MVB12B: variants seen among roughly 807,000 people sequenced by gnomAD.
The protein encoded by MVB12B is multivesicular body subunit 12B.
MVB12B carries 16 observed loss-of-function variants against 41.6 expected under a neutral mutation model. The observed-to-expected ratio is 0.38, with a 90% confidence interval of 0.26 to 0.58. MVB12B has a LOEUF of 0.58. MVB12B is among the 20% of genes least tolerant of loss of function. MVB12B has a pLI of 0.62. For missense variants in MVB12B, 274 were observed against 380.2 expected (o/e 0.72, Z 2.32); for synonymous variants, 133 against 139.7 (o/e 0.95, Z 0.34).
intron 7 of MVB12B, among the ~76,000 whole-genome samples, chr9:126,440,080 G>A (rs867222981): frequency 2.6e-5 from 4 of 152,290 alleles, no homozygotes; most frequent in South Asian, 2.1e-4. Context: ...TGGAATTAAT[G>A]CCTGGTTTGG....
At chr9:126,420,561 C>G (rs1037952222) in intron 6 of MVB12B, among the ~76,000 whole-genome samples, 2 of 98,868 alleles carry the variant, frequency 2.0e-5, no homozygotes, top group Non-Finnish European at 3.8e-5. Flanking sequence ...TCCCAGGAGT[C>G]TTTTTTTTTT....
intron 2 of MVB12B, among the ~76,000 whole-genome samples, chr9:126,379,860 A>G (rs1830587141): frequency 6.6e-6 from 1 of 152,190 alleles, no homozygotes; most frequent in Admixed American, 6.5e-5. Flanking sequence ...GGGGCCTGCC[A>G]TGCTCTGTGC....
chr9:126,414,327 C>T (rs1831743920), intron 6 of MVB12B, among the ~76,000 whole-genome samples: 1 of 152,152 alleles, frequency 6.6e-6, no homozygotes, highest in Admixed American at 6.5e-5. Flanking sequence ...CTGTTTGTTA[C>T]AGAACAGCCA....
At position 126,380,380 on chromosome 9, in the gene MVB12B, C is replaced by T. The variant is rs1383815340; in HGVS notation, c.205-684C>T. On this transcript the variant is annotated intron_variant, in intron 2 of 9. Transcript: ENST00000361171. Reference sequence around the variant, plus strand: ...TGATACTCAGATCAAGGCTGGCTGGCGTCATTCTCAGACTCTTCCTAGTGA... The same window carrying T: ...TGATACTCAGATCAAGGCTGGCTGGTGTCATTCTCAGACTCTTCCTAGTGA... 3.3e-5 allele frequency among the ~76,000 whole-genome samples: 5 copies of T among 152,192 alleles called. No homozygotes were observed. The East Asian group carries it at 5.8e-4, about 18-fold the overall frequency.
Position 126,498,923 on chromosome 9 carries a change from G to T in MVB12B, c.874-4254G>T, listed in dbSNP as rs76467187. ...CAAAAAATGCTGGTGTCCCCGTGCC[G>T]GTTAAACCAGGACCACTCCTGCCAA... On this transcript the variant is annotated intron_variant, in intron 9 of 9. Transcript: ENST00000361171. Among the ~76,000 whole-genome samples the T allele has an allele frequency of 4.0e-3, 610 of 152,304 alleles. 4 individuals are homozygous for T. The highest frequency in any genetic ancestry group is 0.017 in the Middle Eastern group (5 of 294).
intron 2 of MVB12B, among the ~76,000 whole-genome samples, chr9:126,379,217 C>G (rs1830569271): frequency 6.6e-6 from 1 of 152,100 alleles, no homozygotes; most frequent in South Asian, 2.1e-4. Flanking sequence ...TTTAGTGATT[C>G]TGAAATTGGG....
chr9:126,374,127 A>G (rs1319987281), intron 2 of MVB12B, among the ~76,000 whole-genome samples: 6 of 152,174 alleles, frequency 3.9e-5, no homozygotes, highest in Non-Finnish European at 7.3e-5. Flanking sequence ...GAAATTTATC[A>G]TCTCCCACTC....
At position 126,381,897 on chromosome 9, in the gene MVB12B, C is replaced by T. The variant is rs191221549; in HGVS notation, c.312+726C>T. Among the ~76,000 whole-genome samples the T allele has an allele frequency of 2.4e-3, 360 of 152,010 alleles. 2 individuals are homozygous for T. Among genetic ancestry groups the T allele is most frequent in the South Asian group, 0.021 (101 of 4,820 alleles). On this transcript the variant is annotated intron_variant, in intron 3 of 9. Transcript: ENST00000361171. ...GGAAGTTCCTTTCCATTGAAGAAAC[C>T]GAGATCCAAGAGGGAATATGCTTGT... is the stretch of plus-strand genomic sequence containing the variant.
intron 6 of MVB12B, among the ~76,000 whole-genome samples, chr9:126,416,613 A>C (rs927390027): frequency 6.6e-6 from 1 of 152,144 alleles, no homozygotes; most frequent in African/African-American, 2.4e-5. Context: ...AGTGAAGCTG[A>C]ATCGGGGTAA....
At chr9:126,461,701 C>T (rs550064191) in intron 7 of MVB12B, among the ~76,000 whole-genome samples, 1 of 152,214 alleles carries the variant, frequency 6.6e-6, no homozygotes, top group African/African-American at 2.4e-5. Flanking sequence ...AAGTAATAGA[C>T]GTGGAGAGCC....
At position 126,469,999 on chromosome 9, in the gene MVB12B, T is replaced by C. The variant is rs180989124; in HGVS notation, c.758-11370T>C. On this transcript the variant is annotated intron_variant, in intron 7 of 9. Coordinates refer to ENST00000361171, the MANE Select transcript of MVB12B (RefSeq NM_033446.3). ...AATAACAATACCTGGACTGCTATGA[T>C]GTTTAAATGAGATAAAAACATAAGG... is the stretch of plus-strand genomic sequence containing the variant. Among the ~76,000 whole-genome samples the C allele has an allele frequency of 3.2e-4, 49 of 152,360 alleles. 1 individual carries two copies. The highest frequency in any genetic ancestry group is 1.0e-3 in the African/African-American group (43 of 41,588).
Position 126,421,900 on chromosome 9 carries a change from A to G in MVB12B, c.709A>G (p.Thr237Ala), listed in dbSNP as rs1477147176. The G allele has an allele frequency of 6.2e-7, 1 of 1,613,834 alleles. No homozygotes were observed. The highest frequency in any genetic ancestry group is 8.5e-7 in the Non-Finnish European group (1 of 1,179,938). ...TGCCACCTTCCGAGGCAGGAACAGC[A>G]CCCGGACGGACTACGAGTACCAGCA... ...LPATFRGRNSTRTDYEYQHSN... is the reference protein window; with the variant it reads ...LPATFRGRNSARTDYEYQHSN... Residue 237 changes from threonine (T) to alanine (A), a missense_variant, in exon 7 of 10, where the codon ACC (threonine) becomes GCC (alanine). Physicochemically the swap from Thr to Ala is moderately conservative, Grantham distance 58. Coordinates refer to ENST00000361171, the MANE Select transcript of MVB12B (RefSeq NM_033446.3).
At chr9:126,383,245 A>G (rs187382243) in intron 3 of MVB12B, among the ~76,000 whole-genome samples, 53 of 152,294 alleles carry the variant, frequency 3.5e-4, no homozygotes, top group Non-Finnish European at 5.9e-4. Flanking sequence ...TCAAGACTGG[A>G]CAGATTCTTA....
Position 126,484,031 on chromosome 9 carries a change from A to T in MVB12B, c.872A>T (p.Glu291Val). The change falls in exon 9 of 10, where the codon GAG (glutamate) becomes GTG (valine). Residue 291 changes from glutamate (E) to valine (V), a missense_variant and splice_region_variant. Coordinates refer to ENST00000361171, the MANE Select transcript of MVB12B (RefSeq NM_033446.3). ...AAATCTCTAGCAGAAATCGAAAAAG[A>T]GGTAAGCAAGCCATCAGGGGAGGGG... ...TIKSLAEIEK[E>V]YEYSFRTEQS... 1 of 1,614,002 alleles carries T rather than the reference A, an allele frequency of 6.2e-7. No homozygotes were observed. Among genetic ancestry groups the T allele is most frequent in the Non-Finnish European group, 8.5e-7 (1 of 1,180,008 alleles).
At chr9:126,429,324 T>C (rs945280930) in intron 7 of MVB12B, among the ~76,000 whole-genome samples, 23 of 152,112 alleles carry the variant, frequency 1.5e-4, no homozygotes, top group Non-Finnish European at 4.4e-5. Flanking sequence ...GATCGCATGG[T>C]GTATTTGTAT....
chr9:126,467,420 G>C (rs936710850), intron 7 of MVB12B, among the ~76,000 whole-genome samples: 1 of 152,178 alleles, frequency 6.6e-6, no homozygotes, highest in Non-Finnish European at 1.5e-5. Context: ...CCTGGCGAAG[G>C]TGCTGTGTAG....
intron 3 of MVB12B, among the ~76,000 whole-genome samples, chr9:126,385,795 A>T (rs1025271151): frequency 6.6e-6 from 1 of 152,208 alleles, no homozygotes; most frequent in Admixed American, 6.5e-5. Flanking sequence ...CCACATATTT[A>T]AGTTGTAGGG....
At chr9:126,428,509 A>G (rs1243762610) in intron 7 of MVB12B, among the ~76,000 whole-genome samples, 1 of 152,202 alleles carries the variant, frequency 6.6e-6, no homozygotes, top group Admixed American at 6.5e-5. Context: ...TTAGGAAAAA[A>G]AAAACTCACC....
chr9:126,348,307 C>T (rs900373101), intron 2 of MVB12B, among the ~76,000 whole-genome samples: 16 of 152,346 alleles, frequency 1.1e-4, no homozygotes, highest in African/African-American at 3.8e-4. Flanking sequence ...TCCACATTCC[C>T]CTTTGTCCTG....
Sources: gnomAD v4.1 joint callset for allele counts (sites outside exome capture counted in the v4.1 genomes callset) on GRCh38, gnomAD v4.1.1 for gene constraint, MANE v1.5 for transcripts, NCBI Gene and HGNC (gene_info 2026-07-23, HGNC 2026-07-21) for gene names.